Variants in MLIP observed in about 807,000 individuals in gnomAD.
MLIP encodes muscular LMNA interacting protein.
Under a neutral mutation model 84.8 loss-of-function variants are expected in MLIP, and 79 were observed. The ratio of observed to expected loss-of-function variants is 0.93; its 90% CI spans 0.78 to 1.12. MLIP has a LOEUF of 1.12. Ranked by LOEUF, MLIP falls within the 50% of genes most tolerant of loss-of-function variation. MLIP has a pLI of 0.00. For missense variants in MLIP, 1,257 were observed against 1,160.6 expected (o/e 1.08, Z -1.21); for synonymous variants, 504 against 463.0 (o/e 1.09, Z -1.14).
intron 1 of MLIP, among the ~76,000 whole-genome samples, chr6:54,116,117 G>A (rs1376865098): frequency 6.6e-6 from 1 of 152,134 alleles, no homozygotes; most frequent in Non-Finnish European, 1.5e-5. Flanking sequence ...GCACTGACAT[G>A]AACTGGGTTA....
At chr6:54,215,527 G>C (rs1779796704) in intron 11 of MLIP, 2 of 449,368 alleles carry the variant, frequency 4.5e-6, no homozygotes, top group South Asian at 6.0e-5. Flanking sequence ...GTGATGATTT[G>C]ATGTATGTGT....
intron 1 of MLIP, chr6:54,099,516 A>T (rs1350670646): frequency 2.0e-5 from 3 of 152,098 alleles, no homozygotes; most frequent in Admixed American, 1.3e-4. Context: ...GAAAAAAAAA[A>T]TATATAGCTG....
At chr6:54,090,691 GAGAA>G (rs976269571) in intron 1 of MLIP, among the ~76,000 whole-genome samples, 7 of 150,552 alleles carry the variant, frequency 4.6e-5, no homozygotes, top group Admixed American at 3.3e-4. Context: ...GTGTGAGACA[GAGAA>G]AGAGAGAGAG....
At chr6:54,213,628 G>A (rs1446377021) in intron 11 of MLIP, among the ~76,000 whole-genome samples, 1 of 147,666 alleles carries the variant, frequency 6.8e-6, no homozygotes, top group Non-Finnish European at 1.5e-5. Context: ...CTTGAACCCG[G>A]GAGGTGGAGG....
intron 11 of MLIP, among the ~76,000 whole-genome samples, chr6:54,212,196 A>T (rs1295141444): frequency 6.6e-6 from 1 of 152,230 alleles, no homozygotes; most frequent in Non-Finnish European, 1.5e-5. Context: ...ATCAACTAAA[A>T]GAGAAATTTG....
At chr6:54,169,934 A>G (rs1775603590) in intron 9 of MLIP, among the ~76,000 whole-genome samples, 4 of 151,744 alleles carry the variant, frequency 2.6e-5, no homozygotes, top group African/African-American at 9.7e-5. Context: ...AGATTTGTCC[A>G]TTTCTAATGG....
chr6:54,138,159 G>T lies in MLIP; in HGVS notation c.2090G>T (p.Ser697Ile). The stretch of plus-strand genomic sequence containing the variant: ...CCTTCAAGACTTGGGAAATCTGAAA[G>T]CACCACCCCCAACCACAGGTCACCT... ...TLPSRLGKSESTTPNHRSPVS... is the reference protein window; with the variant it reads ...TLPSRLGKSEITTPNHRSPVS... Residue 697 changes from serine to isoleucine, a missense_variant, in exon 4 of 14, where the codon AGC (serine) becomes ATC (isoleucine). Transcript: ENST00000502396. The T allele has an allele frequency of 6.5e-7, 1 of 1,536,076 alleles. No homozygotes were observed. The highest frequency in any genetic ancestry group is 8.7e-7 in the Non-Finnish European group (1 of 1,146,886).
At chr6:54,130,808 A>G (rs1771310981) in intron 3 of MLIP, among the ~76,000 whole-genome samples, 1 of 152,170 alleles carries the variant, frequency 6.6e-6, no homozygotes, top group Non-Finnish European at 1.5e-5. Flanking sequence ...CCAGAAAGGT[A>G]ATAGGGAAGG....
intron 1 of MLIP, among the ~76,000 whole-genome samples, chr6:54,102,027 A>G (rs1301976675): frequency 6.6e-6 from 1 of 151,926 alleles, no homozygotes; most frequent in Non-Finnish European, 1.5e-5. Context: ...GTTGTTATAT[A>G]CTCTGTATTT....
chr6:54,081,278 T>G (rs978968336), intron 1 of MLIP, among the ~76,000 whole-genome samples: 6 of 152,150 alleles, frequency 3.9e-5, no homozygotes, highest in Admixed American at 1.3e-4. Flanking sequence ...CCTTCAATTC[T>G]TGTGCAAATT....
chr6:54,156,616 A>G (rs1229648595), intron 5 of MLIP, among the ~76,000 whole-genome samples: 1 of 152,134 alleles, frequency 6.6e-6, no homozygotes, highest in Non-Finnish European at 1.5e-5. Flanking sequence ...TGTCAATTAA[A>G]TTACTCAAAG....
At chr6:54,116,346 G>A (rs1162286132) in intron 1 of MLIP, among the ~76,000 whole-genome samples, 1 of 151,958 alleles carries the variant, frequency 6.6e-6, no homozygotes, top group South Asian at 2.1e-4. Flanking sequence ...ACAAAGAATT[G>A]GTTTTTGGAA....
chr6:54,169,409 T>C (rs942556258), intron 8 of MLIP, 119 bp from the exon 9 acceptor site: 14 of 538,758 alleles, frequency 2.6e-5, no homozygotes, highest in Admixed American at 4.0e-5. Context: ...TGATATTGTA[T>C]AGAGAGAGCA....
At chr6:54,215,568 A>G in intron 11 of MLIP, 1 of 233,902 alleles carries the variant, frequency 4.3e-6, no homozygotes, top group Non-Finnish European at 7.4e-6. Flanking sequence ...CAGTTAAATT[A>G]ATCAATGTAA....
In MLIP at chr6:54,213,734, A is replaced by AAAAAAAAAAAAAAAAACAAAAAAC. The variant is rs368508685; in HGVS notation, c.2718+11503_2718+11504insAAAAAAAAAAAAAACAAAAAACAA. On this transcript the variant is annotated intron_variant, in intron 11 of 13. Transcript: ENST00000502396. ...AAAAAAAAAAAAAAAAAAAAAAAAA[A>AAAAAAAAAAAAAAAAACAAAAAAC]AACAACAAACAGCATATCTTGTATG... Among the ~76,000 whole-genome samples the AAAAAAAAAAAAAAAAACAAAAAAC allele has an allele frequency of 3.6e-5, 3 of 82,366 alleles. 1 individual carries two copies. Among genetic ancestry groups the AAAAAAAAAAAAAAAAACAAAAAAC allele is most frequent in the African/African-American group, 4.5e-5 (1 of 22,300 alleles). 54.0% of individuals were successfully genotyped at this position (82,366 alleles called of 152,430 possible).
intron 1 of MLIP, among the ~76,000 whole-genome samples, chr6:54,087,771 ATTTT>A (rs2150366428): frequency 6.6e-6 from 1 of 152,126 alleles, no homozygotes; most frequent in Admixed American, 6.6e-5. Flanking sequence ...TTTAAGAAAA[ATTTT>A]AAAAAACAAA....
rs1771911071 is a variant in MLIP at position 54,137,436 on chromosome 6, A to T, written c.1367A>T (p.Lys456Met). The T allele has an allele frequency of 5.9e-6, 9 of 1,536,000 alleles. No homozygotes were observed. The highest frequency in any genetic ancestry group is 7.8e-6 in the Non-Finnish European group (9 of 1,146,852). The change falls in exon 4 of 14, where the codon AAG becomes ATG. Residue 456 changes from lysine (K) to methionine (M), a missense_variant. Lys to Met is a moderately conservative substitution (Grantham distance 95, BLOSUM62 -1). Transcript: ENST00000502396. ...ACGCTCACACTTGACCAAAAAGAAA[A>T]GCAGACCCCACCCACGCCTAAAAAA... ...SSTLTLDQKE[K>M]QTPPTPKKSL...
intron 1 of MLIP, among the ~76,000 whole-genome samples, chr6:54,021,895 T>C (rs1334971246): frequency 6.6e-6 from 1 of 152,226 alleles, no homozygotes; most frequent in Non-Finnish European, 1.5e-5. Context: ...TAAAAGGACA[T>C]TTCCACCTCT....
At chr6:54,181,618 G>A (rs1221462500) in intron 9 of MLIP, among the ~76,000 whole-genome samples, 6 of 152,164 alleles carry the variant, frequency 3.9e-5, no homozygotes, top group African/African-American at 7.2e-5. Context: ...AGCTGAGAAC[G>A]TGATGGGTCA....
Sources: gnomAD v4.1 joint callset for allele counts (sites outside exome capture counted in the v4.1 genomes callset) on GRCh38, gnomAD v4.1.1 for gene constraint, MANE v1.5 for transcripts, NCBI Gene and HGNC (gene_info 2026-07-23, HGNC 2026-07-21) for gene names.